GALNTL6: variants seen among roughly 807,000 people sequenced by gnomAD.
GALNTL6 encodes polypeptide N-acetylgalactosaminyltransferase like 6.
GALNTL6 carries 46 observed loss-of-function variants against 73.7 expected under a neutral mutation model. The ratio of observed to expected loss-of-function variants is 0.62; its 90% confidence interval spans 0.49 to 0.80. The LOEUF is 0.80. GALNTL6 is among the 30% of genes least tolerant of loss of function. The probability of loss-of-function intolerance (pLI) is 0.00; values close to 1 mark genes in which losing one functional copy is unlikely to be tolerated. For missense variants in GALNTL6, 604 were observed against 755.0 expected, an observed-to-expected ratio of 0.80 and a Z score of 2.34; for synonymous variants, 259 against 263.7, an observed-to-expected ratio of 0.98 and a Z score of 0.17.
chr4:172,989,860 T>C (rs1031451572), intron 10 of GALNTL6, among the ~76,000 whole-genome samples: 1 of 152,228 alleles, frequency 6.6e-6, no homozygotes, highest in African/African-American at 2.4e-5. Context: ...CTAATCCATA[T>C]AGACTTTTTA....
chr4:172,359,144 A>G (rs1456918788), intron 5 of GALNTL6, among the ~76,000 whole-genome samples: 1 of 152,216 alleles, frequency 6.6e-6, no homozygotes, highest in African/African-American at 2.4e-5. Context: ...ATGTCCATCA[A>G]TGGCAGACTG....
intron 5 of GALNTL6, among the ~76,000 whole-genome samples, chr4:172,760,555 T>A (rs1403385275): frequency 6.6e-6 from 1 of 152,194 alleles, no homozygotes; most frequent in Non-Finnish European, 1.5e-5. Flanking sequence ...GAGTTGTTTT[T>A]CACTCTTAAG....
At chr4:173,029,951 C>T (rs1360141623) in intron 12 of GALNTL6, among the ~76,000 whole-genome samples, 2 of 152,196 alleles carry the variant, frequency 1.3e-5, no homozygotes, top group Non-Finnish European at 2.9e-5. Context: ...CTCTATCATA[C>T]AGCAGAGGTA....
intron 2 of GALNTL6, among the ~76,000 whole-genome samples, chr4:171,945,578 T>C (rs1187017531): frequency 6.6e-6 from 1 of 152,158 alleles, no homozygotes; most frequent in African/African-American, 2.4e-5. Context: ...GTTAGTATTT[T>C]ATTGGCATAT....
intron 5 of GALNTL6, among the ~76,000 whole-genome samples, chr4:172,765,871 G>T (rs199810800): frequency 6.8e-6 from 1 of 148,134 alleles, no homozygotes; most frequent in Admixed American, 6.7e-5. Flanking sequence ...TTGCTGAAAA[G>T]AAAAAAAAAA....
chr4:172,420,692 G>T (rs548865637), intron 5 of GALNTL6, among the ~76,000 whole-genome samples: 3 of 152,068 alleles, frequency 2.0e-5, no homozygotes, highest in African/African-American at 7.2e-5. Flanking sequence ...TTGCTCCTTA[G>T]TATATATGAG....
At chr4:172,388,779 A>T (rs1743561163) in intron 5 of GALNTL6, among the ~76,000 whole-genome samples, 3 of 152,060 alleles carry the variant, frequency 2.0e-5, no homozygotes, top group Admixed American at 2.0e-4. Context: ...CCTATGTAGG[A>T]TATCTAATTT....
At chr4:172,902,613 A>G (rs559322786) in intron 8 of GALNTL6, among the ~76,000 whole-genome samples, 2 of 152,310 alleles carry the variant, frequency 1.3e-5, no homozygotes, top group East Asian at 1.9e-4. Context: ...TCCAGTTGAG[A>G]CAAGTATGAA....
At chr4:171,878,921 A>G (rs113835210) in intron 2 of GALNTL6, among the ~76,000 whole-genome samples, 119 of 152,250 alleles carry the variant, frequency 7.8e-4, no homozygotes, top group African/African-American at 2.5e-3. Flanking sequence ...TGCCCCAGCT[A>G]TGTAAAACGT....
chr4:172,928,570 G>A (rs1748176112), intron 8 of GALNTL6, among the ~76,000 whole-genome samples: 1 of 152,134 alleles, frequency 6.6e-6, no homozygotes, highest in Admixed American at 6.5e-5. Context: ...CACATCTAGT[G>A]ATACAGGAAG....
intron 2 of GALNTL6, among the ~76,000 whole-genome samples, chr4:172,209,669 A>T (rs1051253337): frequency 7.2e-5 from 11 of 152,094 alleles, no homozygotes; most frequent in African/African-American, 2.7e-4. Flanking sequence ...GTATAATAAC[A>T]GAGGATCAAA....
chr4:171,984,546 A>G (rs1162520777), intron 2 of GALNTL6, among the ~76,000 whole-genome samples: 1 of 152,078 alleles, frequency 6.6e-6, no homozygotes, highest in Non-Finnish European at 1.5e-5. Context: ...ACTGAATGTT[A>G]TCTCTGGAGG....
chr4:172,403,647 C>T (rs1479917071), intron 5 of GALNTL6, among the ~76,000 whole-genome samples: 3 of 151,904 alleles, frequency 2.0e-5, no homozygotes, highest in Non-Finnish European at 2.9e-5. Flanking sequence ...AGCATATTAA[C>T]TGAAGGAGCA....
At chr4:171,855,343 C>G (rs527735880) in intron 2 of GALNTL6, among the ~76,000 whole-genome samples, 1 of 152,258 alleles carries the variant, frequency 6.6e-6, no homozygotes, top group East Asian at 1.9e-4. Flanking sequence ...TTTACCTTTT[C>G]CAAAATGTCA....
chr4:172,125,778 C>A (rs1263643228), intron 2 of GALNTL6, among the ~76,000 whole-genome samples: 1 of 152,048 alleles, frequency 6.6e-6, no homozygotes, highest in Non-Finnish European at 1.5e-5. Context: ...ACCAAAAATG[C>A]ATTTTCATAT....
Position 172,813,448 on chromosome 4 carries a change from A to G in GALNTL6, c.740-92A>G, listed in dbSNP as rs561169104. On this transcript the variant is annotated intron_variant, in intron 6 of 12. Transcript: ENST00000506823. ...GGAGCCACGGCTGCAAGCATTATGC[A>G]TTAGTGGAGGACTGTAGGCTTCTCT... The G allele has an allele frequency of 4.3e-4, 433 of 1,001,600 alleles. 2 individuals carry two copies. The South Asian group carries it at 7.4e-3, about 17-fold the overall frequency. The allele number at this position is 1,001,600 out of a possible 1,614,324, so 62.0% of individuals were successfully genotyped here. A position where few individuals can be genotyped will look rare whatever the true frequency, so the allele number is the denominator to read the frequency against.
chr4:172,677,071 G>A (rs570775208), intron 5 of GALNTL6, among the ~76,000 whole-genome samples: 2 of 152,148 alleles, frequency 1.3e-5, no homozygotes, highest in South Asian at 2.1e-4. Context: ...TTAAACACCC[G>A]GTCTAGCTAA....
intron 2 of GALNTL6, among the ~76,000 whole-genome samples, chr4:171,996,366 T>C (rs760847695): frequency 6.4e-4 from 97 of 152,230 alleles, no homozygotes; most frequent in Non-Finnish European, 1.3e-3. Flanking sequence ...ATTGTATTGA[T>C]GTGATATTTC....
At chr4:172,789,686 G>T (rs1739884838) in intron 5 of GALNTL6, among the ~76,000 whole-genome samples, 1 of 152,126 alleles carries the variant, frequency 6.6e-6, no homozygotes, top group African/African-American at 2.4e-5. Flanking sequence ...AGTCCTCTTG[G>T]GTTTTTATGG....
Sources: allele counts gnomAD v4.1 joint callset (sites outside exome capture counted in the v4.1 genomes callset), GRCh38; gene constraint gnomAD v4.1.1; transcripts MANE v1.5; gene names NCBI Gene and HGNC (gene_info 2026-07-23, HGNC 2026-07-21).